Variants in PWP1 observed in about 807,000 individuals in gnomAD.
The protein encoded by PWP1 is periodic tryptophan protein 1 homolog.
In PWP1, 47 loss-of-function variants were observed where a neutral mutation model predicts 69.9. That is an observed-to-expected ratio of 0.67 (90% CI 0.53 to 0.86). The LOEUF (loss-of-function observed/expected upper bound fraction) is 0.86, where lower values mean the gene tolerates loss of function less well. PWP1 is among the 40% of genes least tolerant of loss of function. The pLI is 0.00. For synonymous variants in PWP1, 222 were observed against 208.2 expected, an observed-to-expected ratio of 1.07 and a Z score of -0.57; for missense variants, 551 against 608.8, an observed-to-expected ratio of 0.91 and a Z score of 1.00.
At chr12:107,705,930 G>A (rs1015402860) in intron 11 of PWP1, among the ~76,000 whole-genome samples, 20 of 152,208 alleles carry the variant, frequency 1.3e-4, no homozygotes, top group African/African-American at 4.6e-4. Flanking sequence ...GGGATGGCTG[G>A]GTCAAATGGT....
intron 3 of PWP1, chr12:107,692,587 A>G: frequency 2.1e-6 from 1 of 483,304 alleles, no homozygotes; most frequent in East Asian, 3.6e-5. Flanking sequence ...CTTTCATTGG[A>G]AGATTGTGAA....
intron 13 of PWP1, 116 bp from the exon 14 acceptor site, chr12:107,710,289 A>G (rs908778275): frequency 1.2e-5 from 18 of 1,459,676 alleles, no homozygotes; most frequent in African/African-American, 2.8e-5. Flanking sequence ...AGTGAGAATC[A>G]TAAGTTGGTT....
Position 107,709,040 on chromosome 12 carries a change from C to G in PWP1, c.1168+24C>G, listed in dbSNP as rs553949313. ...TGGTGAGCAAGAGTAATGCTTCTTT[C>G]ATTTTTCTTAACTTATGATGAAGTA... On this transcript the variant is annotated intron_variant, in intron 12 of 14. Transcript: ENST00000412830. 124 of 1,613,522 alleles carry G rather than the reference C, an allele frequency of 7.7e-5. 1 individual carries two copies. In the South Asian group the frequency reaches 1.1e-3, roughly 14 times the overall value.
Position 107,694,267 on chromosome 12 carries a change from G to A in PWP1, c.502+1171G>A, listed in dbSNP as rs371641978. On this transcript the variant is annotated intron_variant, in intron 5 of 14. Transcript: ENST00000412830. ...TCCTCAGACAAGTCCATCCTTGCCC[G>A]ATACTCTCCTCCCCCAGCAGTCTTC... is the stretch of plus-strand genomic sequence containing the variant. Among the ~76,000 whole-genome samples, 6 of 152,164 alleles carry A rather than the reference G, an allele frequency of 3.9e-5. No individual in the cohort carries two copies. In the South Asian group the frequency reaches 6.2e-4, roughly 16 times the overall value.
chr12:107,696,991 A>G (rs1282505195), intron 6 of PWP1, among the ~76,000 whole-genome samples: 3 of 152,234 alleles, frequency 2.0e-5, no homozygotes, highest in Non-Finnish European at 4.4e-5. Context: ...TTAGGTTTTC[A>G]TGTTAGTCTT....
rs572290309 is a variant in PWP1 at position 107,703,066 on chromosome 12, A to G, written c.903+35A>G. 5 of 1,433,124 alleles carry G rather than the reference A, an allele frequency of 3.5e-6. No homozygotes were observed. The East Asian group carries it at 9.1e-5, about 26-fold the overall frequency. The allele number at this position is 1,433,124 out of a possible 1,614,324, so 88.8% of individuals were successfully genotyped here. ...TTTAGTTGATCACAGCGGTTCTTAA[A>G]AATCGGACACAAATATTGGCTAAAA... is the stretch of plus-strand genomic sequence containing the variant. On this transcript the variant is annotated intron_variant, in intron 9 of 14. Coordinates refer to ENST00000412830, the MANE Select transcript of PWP1 (RefSeq NM_007062.3).
intron 8 of PWP1, among the ~76,000 whole-genome samples, chr12:107,699,759 T>C (rs1425390131): frequency 3.3e-5 from 5 of 152,230 alleles, no homozygotes; most frequent in Non-Finnish European, 7.4e-5. Flanking sequence ...TTTCTCTGTT[T>C]AGTTTTCACA....
In PWP1 at chr12:107,708,140, T is replaced by C. The variant is rs2136287340; in HGVS notation, c.1078-786T>C. 2.0e-5 allele frequency among the ~76,000 whole-genome samples: 3 copies of C among 152,244 alleles called. No individual in the cohort carries two copies. The South Asian group carries it at 6.2e-4, about 32-fold the overall frequency. On this transcript the variant is annotated intron_variant, in intron 11 of 14. Transcript: ENST00000412830. The stretch of plus-strand genomic sequence containing the variant: ...TGTGTTGTACTTCGGCTCTCACTCT[T>C]CAGGTACGCAACTTCCAGAGATTAT...
intron 3 of PWP1, chr12:107,692,568 G>T: frequency 2.2e-6 from 1 of 447,598 alleles, no homozygotes; most frequent in South Asian, 3.0e-5. Flanking sequence ...CTAATTCCCT[G>T]ATACAGTTCT....
intron 1 of PWP1, 158 bp downstream of exon 1, chr12:107,686,129 G>T: frequency 1.4e-6 from 1 of 738,596 alleles, no homozygotes; most frequent in Admixed American, 2.4e-5. Context: ...TAGAGCTGCA[G>T]TTCAGAAGGT....
chr12:107,697,615 T>C lies in PWP1; in HGVS notation c.744+18T>C, dbSNP rs772590731. 19 of 1,591,172 alleles carry C rather than the reference T, an allele frequency of 1.2e-5. No individual in the cohort carries two copies. The highest frequency in any genetic ancestry group is 1.6e-5 in the Non-Finnish European group (19 of 1,168,690). On this transcript the variant is annotated intron_variant, in intron 7 of 14. Coordinates refer to ENST00000412830, the MANE Select transcript of PWP1 (RefSeq NM_007062.3). ...GAAAGAAGGTAAAGAAGTTAATAAA[T>C]ATTTAAACTCTAATGACAGAGGTAA...
At chr12:107,703,308 C>T (rs938364879) in intron 9 of PWP1, among the ~76,000 whole-genome samples, 4 of 152,174 alleles carry the variant, frequency 2.6e-5, no homozygotes, top group Non-Finnish European at 5.9e-5. Context: ...TGAGGTCTGT[C>T]AGTCACAATG....
intron 11 of PWP1, 100 bp from the exon 12 acceptor site, chr12:107,708,826 C>T: frequency 9.4e-7 from 1 of 1,066,950 alleles, no homozygotes; most frequent in Non-Finnish European, 1.4e-6. Flanking sequence ...TAAGTTCCAC[C>T]AGTAAGTCAT....
At chr12:107,690,002 A>G (rs951331722) in intron 3 of PWP1, among the ~76,000 whole-genome samples, 3 of 152,240 alleles carry the variant, frequency 2.0e-5, no homozygotes, top group Admixed American at 6.5e-5. Context: ...GGCATTTGGC[A>G]CACTGAGCAG....
intron 13 of PWP1, 72 bp downstream of exon 13, chr12:107,709,304 T>C: frequency 6.5e-7 from 1 of 1,544,318 alleles, no homozygotes; most frequent in Admixed American, 1.9e-5. Flanking sequence ...GAACTTGTGT[T>C]GCGTGTTTTT....
At chr12:107,710,287 T>C in intron 13 of PWP1, 118 bp from the exon 14 acceptor site, 1 of 1,452,186 alleles carries the variant, frequency 6.9e-7, no homozygotes, top group Non-Finnish European at 9.1e-7. Flanking sequence ...AAAGTGAGAA[T>C]CATAAGTTGG....
chr12:107,711,158 A>C (rs970883718), intron 14 of PWP1, among the ~76,000 whole-genome samples: 1 of 152,210 alleles, frequency 6.6e-6, no homozygotes, highest in Non-Finnish European at 1.5e-5. Context: ...GATAGGCCGG[A>C]TTAAAGGAAT....
At chr12:107,696,095 C>T (rs921079208) in intron 5 of PWP1, among the ~76,000 whole-genome samples, 7 of 132,372 alleles carry the variant, frequency 5.3e-5, no homozygotes, top group Admixed American at 2.7e-4. Flanking sequence ...TGCAGTGGTG[C>T]GATCTCAGCT....
intron 8 of PWP1, 70 bp from the exon 9 acceptor site, chr12:107,702,865 C>T: frequency 1.1e-6 from 1 of 933,948 alleles, no homozygotes; most frequent in Non-Finnish European, 1.8e-6. Context: ...ATTGTAAATG[C>T]AATCCTTTTC....
Sources: gnomAD v4.1 joint callset for allele counts (sites outside exome capture counted in the v4.1 genomes callset) on GRCh38, gnomAD v4.1.1 for gene constraint, MANE v1.5 for transcripts, NCBI Gene and HGNC (gene_info 2026-07-23, HGNC 2026-07-21) for gene names.